The following LRIG3 variants were observed in gnomAD, a reference collection of about 807,000 sequenced individuals.
LRIG3 encodes leucine rich repeats and immunoglobulin like domains 3.
Under a neutral mutation model 114.5 loss-of-function variants are expected in LRIG3, and 76 were observed. That is an observed-to-expected ratio of 0.66 (90% CI 0.55 to 0.80). The LOEUF (loss-of-function observed/expected upper bound fraction) is 0.80, where lower values mean the gene tolerates loss of function less well. LRIG3 is among the 30% of genes least tolerant of loss of function. The probability of loss-of-function intolerance (pLI) is 0.00; values close to 1 mark genes in which losing one functional copy is unlikely to be tolerated. For synonymous variants in LRIG3, 512 were observed against 519.8 expected, an observed-to-expected ratio of 0.98 and a Z score of 0.20; for missense variants, 1,239 against 1,382.8, an observed-to-expected ratio of 0.90 and a Z score of 1.65.
intron 18 of LRIG3, chr12:58,873,512 A>T (rs1870804817): frequency 6.4e-6 from 1 of 157,116 alleles, no homozygotes; most frequent in South Asian, 1.9e-4. Context: ...CATCAGACGA[A>T]AAAATTCACT....
chr12:58,897,475 C>T (rs1343278809), intron 3 of LRIG3, among the ~76,000 whole-genome samples: 3 of 152,108 alleles, frequency 2.0e-5, no homozygotes, highest in Non-Finnish European at 4.4e-5. Flanking sequence ...CCAAGCTCCA[C>T]GGTGCATGCA....
rs769239824 is a variant in LRIG3 at position 58,874,581 on chromosome 12, A to G, written c.2696-8T>C. 6.2e-7 allele frequency: 1 copy of G among 1,613,342 alleles called. No individual in the cohort carries two copies. Among genetic ancestry groups the G allele is most frequent in the South Asian group, 1.1e-5 (1 of 90,822 alleles). ...TGTCAATATGGCAGGTCCCTTTGAA[A>G]CAAAAATCTTAGTCAATGATCCAAT... On this transcript the variant is annotated splice_region_variant and splice_polypyrimidine_tract_variant and intron_variant, in intron 16 of 18. Transcript: ENST00000320743.
At chr12:58,875,142 G>A (rs17121643) in intron 16 of LRIG3, among the ~76,000 whole-genome samples, 12,699 of 152,236 alleles carry the variant, frequency 0.083, 737 homozygotes, top group African/African-American at 0.15. Context: ...TATGCAGAAC[G>A]TGACACAGTA....
At chr12:58,889,897 G>C (rs961590877) in intron 5 of LRIG3, 99 bp downstream of exon 5, 5 of 1,412,416 alleles carry the variant, frequency 3.5e-6, no homozygotes, top group Admixed American at 4.2e-5. Context: ...CTACATCCTT[G>C]CTCCTAAACT....
Position 58,893,887 on chromosome 12 carries a change from T to C in LRIG3, c.384-3091A>G, listed in dbSNP as rs540143280. Reference sequence around the variant, plus strand: ...TGGTCCCCAGGCTGTCTGAGGCAAGTATAGCTACGCTTGTATTTAACAACA... The same window carrying C: ...TGGTCCCCAGGCTGTCTGAGGCAAGCATAGCTACGCTTGTATTTAACAACA... On this transcript the variant is annotated intron_variant, in intron 3 of 18. Transcript: ENST00000320743. Among the ~76,000 whole-genome samples the C allele has an allele frequency of 2.6e-5, 4 of 152,286 alleles. No individual in the cohort carries two copies. In the South Asian group the frequency reaches 6.2e-4, roughly 24 times the overall value.
chr12:58,913,846 T>C (rs901673338), intron 3 of LRIG3, 136 bp downstream of exon 3: 86 of 664,928 alleles, frequency 1.3e-4, no homozygotes, highest in Non-Finnish European at 2.0e-4. Context: ...TTAACCAATT[T>C]AAAGCGCGTA....
intron 3 of LRIG3, among the ~76,000 whole-genome samples, chr12:58,909,925 C>A (rs1872214233): frequency 6.6e-6 from 1 of 152,214 alleles, no homozygotes; most frequent in African/African-American, 2.4e-5. Flanking sequence ...TCATTTGCCA[C>A]ACTAAAGACA....
In LRIG3 at chr12:58,887,804, G is replaced by C. The variant is rs745784004; in HGVS notation, c.1076C>G (p.Ser359Cys). The change falls in exon 8 of 19, where the codon TCC (serine) becomes TGC (cysteine). Residue 359 changes from serine to cysteine, a missense_variant. Coordinates refer to ENST00000320743, the MANE Select transcript of LRIG3 (RefSeq NM_153377.5). The part of the protein sequence containing the change: ...YIADCAFRGL[S>C]SLKTLDLKNN... The stretch of plus-strand genomic sequence containing the variant: ...TGTAACTTACAAAGTCTTTAAACTG[G>C]AAAGCCCCCGGAAGGCACAATCAGC... 6.2e-7 allele frequency: 1 copy of C among 1,613,408 alleles called. No individual in the cohort carries two copies. The highest frequency in any genetic ancestry group is 1.3e-5 in the African/African-American group (1 of 74,866).
intron 3 of LRIG3, among the ~76,000 whole-genome samples, chr12:58,902,193 TC>T (rs1404889386): frequency 1.3e-5 from 2 of 152,108 alleles, no homozygotes; most frequent in Non-Finnish European, 2.9e-5. Flanking sequence ...AAGAGTACTG[TC>T]CTCTATCCTA....
In LRIG3 at chr12:58,914,072, A is replaced by G; in HGVS notation, c.309-16T>C. 6.3e-7 allele frequency: 1 copy of G among 1,592,318 alleles called. No homozygotes were observed. The highest frequency in any genetic ancestry group is 8.5e-7 in the Non-Finnish European group (1 of 1,174,636). On this transcript the variant is annotated splice_polypyrimidine_tract_variant and intron_variant, in intron 2 of 18. Transcript: ENST00000320743. ...GTTCAGTTTCCTACAAATGCCAAAA[A>G]AAAAAAGAAAAAGAAAAGCTGATTA... is the stretch of plus-strand genomic sequence containing the variant.
At chr12:58,919,398 T>C (rs1454470199) in intron 1 of LRIG3, 3 of 1,551,478 alleles carry the variant, frequency 1.9e-6, no homozygotes, top group Non-Finnish European at 1.7e-6. Flanking sequence ...GACCAGTCTT[T>C]ACAATCTGGT....
intron 1 of LRIG3, chr12:58,919,425 A>C: frequency 6.4e-7 from 1 of 1,551,632 alleles, no homozygotes; most frequent in Non-Finnish European, 8.7e-7. Context: ...GTGGGAACTT[A>C]CGGTCTGCTA....
rs17533647 is a variant in LRIG3, at chr12:58,888,920, T to A, written c.702A>T (p.Thr234=). Residue 234 remains threonine, a synonymous_variant, in exon 6 of 19, where the codon ACA becomes ACT. Transcript: ENST00000320743. ...ACTTCAGAGCACCAAGGCCTTGGAA[T>A]GTCAGTCCATCTACATTTTTAATCT... ...RNKIKNVDGL[T]FQGLGALKSL... 1.9e-6 allele frequency: 3 copies of A among 1,613,760 alleles called. No homozygotes were observed. The highest frequency in any genetic ancestry group is 1.7e-6 in the Non-Finnish European group (2 of 1,179,802).
chr12:58,888,275 C>T, intron 7 of LRIG3, 54 bp downstream of exon 7: 2 of 1,577,916 alleles, frequency 1.3e-6, no homozygotes, highest in African/African-American at 1.4e-5. Flanking sequence ...AAGCTCATGC[C>T]CTGGCATGAT....
chr12:58,919,325 A>C lies in LRIG3; in HGVS notation c.236+675T>G, dbSNP rs531101071. The C allele has an allele frequency of 1.5e-5, 22 of 1,493,824 alleles. No individual in the cohort carries two copies. The African/African-American group carries it at 2.9e-4, about 20-fold the overall frequency. 92.5% of individuals were successfully genotyped at this position (1,493,824 alleles called of 1,614,324 possible). ...TCCCCTAAACCGTCTGGGCGTTCTG[A>C]GGAGCTACAGAAATCACGCCCTTGA... On this transcript the variant is annotated intron_variant, in intron 1 of 18. Transcript: ENST00000320743.
chr12:58,872,813 G>A lies in LRIG3; in HGVS notation c.3119C>T (p.Thr1040Ile), dbSNP rs1412100626. Reference protein sequence around the residue: ...SVASSNSFMGTFGKALRRPHL... With the variant: ...SVASSNSFMGIFGKALRRPHL... ...AGGTCTCCTGAGAGCTTTTCCAAAG[G>A]TACCTGAAAGAAAGAAACACCTTGA... is the stretch of plus-strand genomic sequence containing the variant. The change falls in exon 19 of 19, where the codon ACC becomes ATC. Residue 1040 changes from threonine to isoleucine, a missense_variant. Transcript: ENST00000320743. 4 of 1,609,390 alleles carry A rather than the reference G, an allele frequency of 2.5e-6. No homozygotes were observed. Among genetic ancestry groups the A allele is most frequent in the Middle Eastern group, 1.7e-4 (1 of 6,030 alleles).
intron 3 of LRIG3, among the ~76,000 whole-genome samples, chr12:58,894,287 G>T (rs192995229): frequency 2.6e-5 from 4 of 152,162 alleles, no homozygotes; most frequent in Non-Finnish European, 5.9e-5. Context: ...CCTTACAACT[G>T]TGAGAATAAT....
rs1870839010 is a variant in LRIG3 at position 58,874,319 on chromosome 12, C to T, written c.2851G>A (p.Asp951Asn). The T allele has an allele frequency of 6.2e-7, 1 of 1,610,132 alleles. No individual in the cohort carries two copies. The highest frequency in any genetic ancestry group is 8.5e-7 in the Non-Finnish European group (1 of 1,178,394). ...FETYHTGCSP[D>N]PRTVLMDHYE... is the part of the protein sequence containing the mutation. The stretch of plus-strand genomic sequence containing the variant: ...TGGTCCATTAAAACTGTTCTTGGGT[C>T]AGGACTGCAACCTTTTTAATATGGG... Residue 951 changes from aspartate to asparagine, a missense_variant, in exon 18 of 19, where the codon GAC (aspartate) becomes AAC (asparagine). By Grantham distance (23) the Asp-to-Asn change is conservative (BLOSUM62 1). Transcript: ENST00000320743.
At chr12:58,876,630 A>G in intron 15 of LRIG3, 27 bp from the exon 16 acceptor site, 1 of 1,612,572 alleles carries the variant, frequency 6.2e-7, no homozygotes, top group Non-Finnish European at 8.5e-7. Context: ...GCATTTTATT[A>G]ACCAAGGATG....
Sources: allele counts gnomAD v4.1 joint callset (sites outside exome capture counted in the v4.1 genomes callset), GRCh38; gene constraint gnomAD v4.1.1; transcripts MANE v1.5; gene names NCBI Gene and HGNC (gene_info 2026-07-23, HGNC 2026-07-21).